The following VPS13A variants were observed in gnomAD, a reference collection of about 807,000 sequenced individuals.
VPS13A encodes intermembrane lipid transfer protein VPS13A.
In VPS13A, 264 loss-of-function variants were observed where a neutral mutation model predicts 390.9. The ratio of observed to expected loss-of-function variants is 0.68; its 90% confidence interval spans 0.61 to 0.75. The LOEUF (loss-of-function observed/expected upper bound fraction) is 0.75. Among genes scored for constraint, VPS13A ranks in the 30% least tolerant of loss-of-function variants. The pLI is 0.00. For synonymous variants in VPS13A, 1,231 were observed against 1,227.1 expected (o/e 1.00, Z -0.07); for missense variants, 3,409 against 3,733.9 (o/e 0.91, Z 2.27).
intron 1 of VPS13A, among the ~76,000 whole-genome samples, chr9:77,183,661 A>G (rs1824157961): frequency 1.3e-5 from 2 of 152,274 alleles, no homozygotes; most frequent in South Asian, 4.1e-4. Context: ...CAACTTGGGA[A>G]AACAGTTTGG....
intron 33 of VPS13A, among the ~76,000 whole-genome samples, chr9:77,297,345 C>T (rs753275254): frequency 6.6e-6 from 1 of 151,818 alleles, no homozygotes; most frequent in Non-Finnish European, 1.5e-5. Flanking sequence ...AACTAGCTAC[C>T]TTGGTTTCTC....
At chr9:77,382,366 C>T (rs889987897) in intron 68 of VPS13A, 7 of 1,500,310 alleles carry the variant, frequency 4.7e-6, no homozygotes, top group East Asian at 2.5e-5. Context: ...TTACAAACTA[C>T]GTACAGCTGT....
In VPS13A at chr9:77,225,976, G is replaced by A. The variant is rs367698917; in HGVS notation, c.1212G>A (p.Thr404=). 43 of 1,611,872 alleles carry A rather than the reference G, an allele frequency of 2.7e-5. 1 individual carries two copies. In the South Asian group the frequency reaches 3.2e-4, roughly 12 times the overall value. Residue 404 remains threonine (T), a synonymous_variant, in exon 14 of 72, where the codon ACG becomes ACA. Transcript: ENST00000360280. ...DVFNITIARQ[T]AEVEVKKAGY... is the part of the protein sequence containing the mutation. The stretch of plus-strand genomic sequence containing the variant: ...TTAATATAACTATAGCTAGACAGAC[G>A]GCAGAAGTTGAGGTAATTCTTGGCT...
At chr9:77,280,388 A>G (rs1294424822) in intron 27 of VPS13A, 150 bp downstream of exon 27, 2 of 598,374 alleles carry the variant, frequency 3.3e-6, no homozygotes, top group Non-Finnish European at 5.8e-6. Context: ...TTATTTTGTC[A>G]TCTTGTATTA....
chr9:77,402,850 T>C (rs984055202), intron 68 of VPS13A, among the ~76,000 whole-genome samples: 7 of 152,370 alleles, frequency 4.6e-5, no homozygotes, highest in African/African-American at 1.4e-4. Context: ...AAGTAATTTA[T>C]GTGATGCATA....
chr9:77,354,054 TAAG>T (rs1831624227), intron 54 of VPS13A, among the ~76,000 whole-genome samples: 1 of 152,102 alleles, frequency 6.6e-6, no homozygotes, highest in African/African-American at 2.4e-5. Flanking sequence ...TAAGATCTAA[TAAG>T]GTGATCACTG....
At chr9:77,273,187 C>A in intron 23 of VPS13A, 93 bp from the exon 24 acceptor site, 1 of 995,596 alleles carries the variant, frequency 1.0e-6, no homozygotes, top group South Asian at 1.5e-5. Flanking sequence ...AGCTTTTTGT[C>A]AAAACTGTTG....
Position 77,283,454 on chromosome 9 carries a change from CT to C in VPS13A, c.3219del (p.Glu1074LysfsTer11), listed in dbSNP as rs1230133262. The part of the protein sequence containing the change: ...IFIQDQKCNI[S>X]EIKIEGLDSE... ...ATTCAAGATCAGAAATGTAACATTT[CT>C]GAAATTAAGATTGAAGGTAATAAAA... On this transcript the variant is annotated frameshift_variant, in exon 30 of 72. Coordinates refer to ENST00000360280, the MANE Select transcript of VPS13A (RefSeq NM_033305.3). LOFTEE classifies it high-confidence loss of function. 1 of 1,604,300 alleles carries C rather than the reference CT, an allele frequency of 6.2e-7. No homozygotes were observed. The highest frequency in any genetic ancestry group is 8.5e-7 in the Non-Finnish European group (1 of 1,171,882).
rs140428617 is a variant in VPS13A at position 77,191,962 on chromosome 9, A to G, written c.101-7983A>G. 6.1e-3 allele frequency among the ~76,000 whole-genome samples: 935 copies of G among 152,222 alleles called. 16 individuals carry two copies. Among genetic ancestry groups the G allele is most frequent in the African/African-American group, 0.021 (879 of 41,538 alleles). On this transcript the variant is annotated intron_variant, in intron 1 of 71. Coordinates refer to ENST00000360280, the MANE Select transcript of VPS13A (RefSeq NM_033305.3). ...CAGTGGGTTTTTGAAGTCTCCCACT[A>G]TTATTGTGTGGTTGTGCAAGTCTCT...
chr9:77,352,369 T>G (rs1831520011), intron 53 of VPS13A, among the ~76,000 whole-genome samples: 1 of 152,142 alleles, frequency 6.6e-6, no homozygotes, highest in African/African-American at 2.4e-5. Flanking sequence ...TGCTTATCAG[T>G]AGGTGGTATT....
At chr9:77,361,934 C>G (rs1332455819) in intron 59 of VPS13A, among the ~76,000 whole-genome samples, 3 of 152,022 alleles carry the variant, frequency 2.0e-5, no homozygotes, top group Non-Finnish European at 4.4e-5. Flanking sequence ...GTTGATTATC[C>G]TTTAATATGT....
Position 77,416,694 on chromosome 9 carries a change from T to G in VPS13A, c.*688T>G, listed in dbSNP as rs1370238223. On this transcript the variant is annotated 3_prime_UTR_variant, in exon 72 of 72. Transcript: ENST00000360280. ...TCCTACTCAAAAAAGGAAGTCTGTT[T>G]CAGAACTTTAGGGCCTTTGAAATAT... 1 of 152,618 alleles carries G rather than the reference T, an allele frequency of 6.6e-6. No homozygotes were observed. Among genetic ancestry groups the G allele is most frequent in the East Asian group, 1.9e-4 (1 of 5,196 alleles). The allele number at this position is 152,618 out of a possible 1,614,324, so 9.5% of individuals were successfully genotyped here. A position where few individuals can be genotyped will look rare whatever the true frequency, so the allele number is the denominator to read the frequency against.
chr9:77,220,459 A>C, intron 12 of VPS13A, 76 bp downstream of exon 12: 1 of 1,008,680 alleles, frequency 9.9e-7, no homozygotes. Flanking sequence ...CTTCAAGAAT[A>C]ATCTTTAAGA....
chr9:77,181,515 CA>C (rs1161800764), intron 1 of VPS13A, among the ~76,000 whole-genome samples: 4,174 of 80,244 alleles, frequency 0.052, 105 homozygotes, highest in African/African-American at 0.17. Context: ...GACCCTGCCT[CA>C]AAAAAAAAAA....
chr9:77,392,650 TC>T (rs945601147), intron 68 of VPS13A, among the ~76,000 whole-genome samples: 34 of 152,116 alleles, frequency 2.2e-4, no homozygotes, highest in African/African-American at 8.2e-4. Flanking sequence ...ATATTTGTTC[TC>T]CAGTGCATAT....
chr9:77,229,904 A>G lies in VPS13A; in HGVS notation c.1595+1640A>G, dbSNP rs559710777. The stretch of plus-strand genomic sequence containing the variant: ...CCATGAACAGTATATGATGTTTCCA[A>G]TTTCTTCATATCTTCATCAACACTT... On this transcript the variant is annotated intron_variant, in intron 17 of 71. Transcript: ENST00000360280. Among the ~76,000 whole-genome samples, 33 of 152,156 alleles carry G rather than the reference A, an allele frequency of 2.2e-4. No homozygotes were observed. The South Asian group carries it at 5.8e-3, about 27-fold the overall frequency.
intron 35 of VPS13A, among the ~76,000 whole-genome samples, chr9:77,311,891 G>A (rs1428124274): frequency 6.6e-6 from 1 of 152,144 alleles, no homozygotes; most frequent in African/African-American, 2.4e-5. Context: ...GAAAAAGCTT[G>A]AACAATTTCT....
At chr9:77,183,465 A>G (rs1564613486) in intron 1 of VPS13A, among the ~76,000 whole-genome samples, 1 of 152,150 alleles carries the variant, frequency 6.6e-6, no homozygotes, top group East Asian at 1.9e-4. Context: ...GACTTGGATA[A>G]ATGGGATTGT....
chr9:77,180,805 G>A (rs1387621845), intron 1 of VPS13A, among the ~76,000 whole-genome samples: 9 of 152,156 alleles, frequency 5.9e-5, no homozygotes, highest in Non-Finnish European at 5.9e-5. Flanking sequence ...ATACTACACT[G>A]TCTTGATAAC....
Sources: allele counts gnomAD v4.1 joint callset (sites outside exome capture counted in the v4.1 genomes callset), GRCh38; gene constraint gnomAD v4.1.1; transcripts MANE v1.5; gene names NCBI Gene and HGNC (gene_info 2026-07-23, HGNC 2026-07-21).